The following CDYL variants were observed in gnomAD, a reference collection of about 807,000 sequenced individuals.
CDYL encodes chromodomain Y-like protein.
Under a neutral mutation model 47.3 loss-of-function variants are expected in CDYL, and 8 were observed. The observed-to-expected ratio is 0.17, with a 90% CI of 0.10 to 0.31. CDYL has a LOEUF of 0.31. Among genes scored for constraint, CDYL ranks in the 10% least tolerant of loss-of-function variants. CDYL has a pLI of 1.00. For synonymous variants in CDYL, 266 were observed against 265.0 expected, an observed-to-expected ratio of 1.00 and a Z score of -0.04; for missense variants, 471 against 701.4, an observed-to-expected ratio of 0.67 and a Z score of 3.71.
At chr6:4,895,603 A>C (rs1450225706) in intron 2 of CDYL, among the ~76,000 whole-genome samples, 1 of 151,626 alleles carries the variant, frequency 6.6e-6, no homozygotes, top group Non-Finnish European at 1.5e-5. Context: ...GATTTTCAAA[A>C]CTTCGAGCCA....
chr6:4,764,167 A>G (rs1379558888), intron 3 of CDYL, among the ~76,000 whole-genome samples: 1 of 152,262 alleles, frequency 6.6e-6, no homozygotes, highest in Admixed American at 6.5e-5. Flanking sequence ...ATTAAAAAAT[A>G]AAAGTGTTAA....
At chr6:4,914,515 C>T (rs1344289851) in intron 2 of CDYL, among the ~76,000 whole-genome samples, 1 of 152,138 alleles carries the variant, frequency 6.6e-6, no homozygotes, top group Non-Finnish European at 1.5e-5. Context: ...TCCACATGGC[C>T]CCAGCTTTCC....
At chr6:4,877,033 G>T (rs970211177) in intron 1 of CDYL, among the ~76,000 whole-genome samples, 1 of 152,226 alleles carries the variant, frequency 6.6e-6, no homozygotes, top group Non-Finnish European at 1.5e-5. Context: ...TGTGCCATCT[G>T]TGAGGAATGG....
chr6:4,749,429 A>G (rs9392636), intron 3 of CDYL, among the ~76,000 whole-genome samples: 1 of 151,290 alleles, frequency 6.6e-6, no homozygotes, highest in Non-Finnish European at 1.5e-5. Flanking sequence ...TGGATGGATG[A>G]ATGGATATGA....
At chr6:4,922,707 T>A (rs1163938104) in intron 2 of CDYL, among the ~76,000 whole-genome samples, 1 of 152,252 alleles carries the variant, frequency 6.6e-6, no homozygotes, top group Non-Finnish European at 1.5e-5. Flanking sequence ...TCCTCTGATT[T>A]ATGGGAATTG....
chr6:4,813,544 C>G (rs1411716861), intron 1 of CDYL, among the ~76,000 whole-genome samples: 5 of 152,150 alleles, frequency 3.3e-5, no homozygotes, highest in Non-Finnish European at 5.9e-5. Flanking sequence ...TCTTCTGCCA[C>G]TGATGGATTC....
chr6:4,871,573 G>C (rs1490022946), intron 1 of CDYL, among the ~76,000 whole-genome samples: 2 of 152,106 alleles, frequency 1.3e-5, no homozygotes, highest in African/African-American at 4.8e-5. Context: ...CACACTGAAG[G>C]GTCTCAGCAT....
chr6:4,881,340 G>T (rs1373741934), intron 1 of CDYL, among the ~76,000 whole-genome samples: 1 of 151,744 alleles, frequency 6.6e-6, no homozygotes, highest in African/African-American at 2.4e-5. Context: ...TATTATTATG[G>T]TTTCTGTTTT....
intron 3 of CDYL, among the ~76,000 whole-genome samples, chr6:4,739,455 G>T (rs1254388781): frequency 6.7e-6 from 1 of 148,464 alleles, no homozygotes; most frequent in Admixed American, 6.8e-5. Context: ...GGAGGCAGAG[G>T]TTGCAGTGAG....
At chr6:4,844,230 G>T (rs976254343) in intron 1 of CDYL, among the ~76,000 whole-genome samples, 34 of 152,304 alleles carry the variant, frequency 2.2e-4, no homozygotes, top group African/African-American at 7.9e-4. Flanking sequence ...GTGCTTAATT[G>T]TGGTTTGGTT....
At position 4,895,414 on chromosome 6, in the gene CDYL, T is replaced by TGC. The variant is rs1286755327; in HGVS notation, c.691+3035_691+3036insGC. 3.6e-3 allele frequency among the ~76,000 whole-genome samples: 253 copies of TGC among 69,346 alleles called. 109 individuals are homozygous for TGC. Among genetic ancestry groups the TGC allele is most frequent in the African/African-American group, 0.012 (242 of 20,130 alleles). The allele number at this position is 69,346 out of a possible 152,430, so 45.5% of individuals were successfully genotyped here. A position where few individuals can be genotyped will look rare whatever the true frequency, so the allele number is the denominator to read the frequency against. On this transcript the variant is annotated intron_variant, in intron 2 of 6. Transcript: ENST00000397588. The stretch of plus-strand genomic sequence containing the variant: ...ATATATGCATGTATACATGTATACG[T>TGC]ATATATGCATGTATACATGTATACG...
At position 4,742,780 on chromosome 6, in the gene CDYL, T is replaced by G. The variant is rs146220925; in HGVS notation, c.186+7936T>G. Among the ~76,000 whole-genome samples, 105 of 152,344 alleles carry G rather than the reference T, an allele frequency of 6.9e-4. 1 individual carries two copies. The South Asian group carries it at 0.016, about 23-fold the overall frequency. ...GCTTTGCCCTCTCAGGGGTTTTTCC[T>G]TGTCAGTTTTCCTCTATGGCTATAT... On this transcript the variant is annotated intron_variant, in intron 3 of 8. Transcript: ENST00000328908.
In CDYL at chr6:4,724,101, C is replaced by A. The variant is rs371018153; in HGVS notation, c.103+8220C>A. Among the ~76,000 whole-genome samples the A allele has an allele frequency of 9.2e-5, 14 of 152,330 alleles. No homozygotes were observed. In the East Asian group the frequency reaches 2.3e-3, roughly 25 times the overall value. Reference sequence around the variant, plus strand: ...ACACCCAGGCTCTGGAGTGCAGGGGCATGATCTTGGCTCACTATAACCTTG... The same window carrying A: ...ACACCCAGGCTCTGGAGTGCAGGGGAATGATCTTGGCTCACTATAACCTTG... On this transcript the variant is annotated intron_variant, in intron 2 of 8. Transcript: ENST00000328908.
chr6:4,921,448 G>C (rs567515212), intron 2 of CDYL, among the ~76,000 whole-genome samples: 3 of 152,342 alleles, frequency 2.0e-5, no homozygotes, highest in Non-Finnish European at 4.4e-5. Context: ...ATATTGGGGA[G>C]TTACAACAGC....
chr6:4,828,729 C>T (rs934960170), intron 1 of CDYL, among the ~76,000 whole-genome samples: 1 of 152,144 alleles, frequency 6.6e-6, no homozygotes, highest in African/African-American at 2.4e-5. Flanking sequence ...TCTCCCAAGT[C>T]TTCCATAATT....
chr6:4,716,179 C>T (rs543955775), intron 2 of CDYL, among the ~76,000 whole-genome samples: 15 of 150,400 alleles, frequency 1.0e-4, no homozygotes, highest in Non-Finnish European at 1.9e-4. Context: ...ACCCGGGAGG[C>T]GGAGCTTGCA....
chr6:4,895,049 A>C (rs1278877910), intron 2 of CDYL, among the ~76,000 whole-genome samples: 2 of 149,396 alleles, frequency 1.3e-5, no homozygotes, highest in African/African-American at 4.9e-5. Flanking sequence ...ATCTATATAC[A>C]CATGTACATA....
chr6:4,776,851 C>T (rs1324403626), intron 1 of CDYL, 44 bp downstream of exon 1: 6 of 765,168 alleles, frequency 7.8e-6, no homozygotes, highest in East Asian at 1.3e-4. Flanking sequence ...CCGCCCGCCG[C>T]CCCTCCCGGC....
intron 3 of CDYL, among the ~76,000 whole-genome samples, chr6:4,741,544 C>T (rs1046051030): frequency 6.6e-6 from 1 of 152,160 alleles, no homozygotes; most frequent in Non-Finnish European, 1.5e-5. Context: ...GAAGCTCCCC[C>T]AGAACATCCC....
Sources: allele counts gnomAD v4.1 joint callset (sites outside exome capture counted in the v4.1 genomes callset), GRCh38; gene constraint gnomAD v4.1.1; transcripts MANE v1.5; gene names NCBI Gene and HGNC (gene_info 2026-07-23, HGNC 2026-07-21).